Variants in RGMA observed in about 807,000 individuals in gnomAD.
RGMA encodes repulsive guidance molecule A.
Under a neutral mutation model 23.2 loss-of-function variants are expected in RGMA, and 10 were observed. The ratio of observed to expected loss-of-function variants is 0.43; its 90% CI spans 0.27 to 0.73. RGMA has a LOEUF of 0.73. RGMA is among the 30% of genes least tolerant of loss of function. The probability of loss-of-function intolerance (pLI) is 0.20; values close to 1 mark genes in which losing one functional copy is unlikely to be tolerated. For synonymous variants in RGMA, 308 were observed against 279.3 expected (o/e 1.10, Z -1.03); for missense variants, 547 against 630.5 (o/e 0.87, Z 1.42).
chr15:93,053,258 C>T (rs539359346), intron 2 of RGMA, among the ~76,000 whole-genome samples: 1 of 152,234 alleles, frequency 6.6e-6, no homozygotes, highest in East Asian at 1.9e-4. Flanking sequence ...AATGACCGTG[C>T]CCCAGAACTA....
chr15:93,048,285 G>A (rs1024942891), intron 3 of RGMA, among the ~76,000 whole-genome samples: 24 of 152,174 alleles, frequency 1.6e-4, no homozygotes, highest in African/African-American at 5.6e-4. Flanking sequence ...GGAGACCCTA[G>A]GCCAAGGCTT....
chr15:93,075,635 C>T (rs1567195040), intron 1 of RGMA, among the ~76,000 whole-genome samples: 2 of 151,858 alleles, frequency 1.3e-5, no homozygotes, highest in African/African-American at 4.8e-5. Flanking sequence ...TCAGTTTCTT[C>T]ATCTGTAAGG....
chr15:93,088,654 GC>G (rs1895682968), intron 1 of RGMA: 1 of 987,532 alleles, frequency 1.0e-6, no homozygotes. Context: ...AGGGACGTGT[GC>G]CGGGTCTGCC....
intron 3 of RGMA, among the ~76,000 whole-genome samples, chr15:93,046,935 T>C (rs1405503627): frequency 1.3e-5 from 2 of 152,234 alleles, no homozygotes; most frequent in South Asian, 2.1e-4. Context: ...CACAGAGGCA[T>C]TGGCTGCATA....
intron 1 of RGMA, among the ~76,000 whole-genome samples, chr15:93,084,302 C>G (rs544707413): frequency 2.6e-5 from 4 of 152,306 alleles, no homozygotes; most frequent in African/African-American, 9.6e-5. Flanking sequence ...CGTTTTTGAG[C>G]AAGCCTCTTT....
intron 2 of RGMA, chr15:93,066,510 G>A (rs1044822216): frequency 6.0e-6 from 3 of 499,538 alleles, no homozygotes; most frequent in Non-Finnish European, 1.1e-5. Context: ...GGGGCCCGAG[G>A]CGACTCCGCC....
At chr15:93,083,000 C>G (rs1895582724) in intron 1 of RGMA, among the ~76,000 whole-genome samples, 1 of 152,198 alleles carries the variant, frequency 6.6e-6, no homozygotes, top group Non-Finnish European at 1.5e-5. Flanking sequence ...GGTCACTGAC[C>G]CAGAAAGGGA....
At chr15:93,075,945 CGTT>C (rs930713854) in intron 1 of RGMA, among the ~76,000 whole-genome samples, 1 of 152,154 alleles carries the variant, frequency 6.6e-6, no homozygotes, top group African/African-American at 2.4e-5. Flanking sequence ...AGCAGTATGG[CGTT>C]GTGTTGACCT....
Position 93,052,527 on chromosome 15 carries a change from C to G in RGMA, c.131-20G>C. The stretch of plus-strand genomic sequence containing the variant: ...AGGTGGCTGAGGAGAAAGGAACGAA[C>G]ACACCGTCGGGGTGCAGCCTGGCAA... On this transcript the variant is annotated intron_variant, in intron 2 of 3. Coordinates refer to ENST00000329082, the MANE Select transcript of RGMA (RefSeq NM_020211.3). 2 of 1,545,986 alleles carry G rather than the reference C, an allele frequency of 1.3e-6. No individual in the cohort carries two copies. Among genetic ancestry groups the G allele is most frequent in the Non-Finnish European group, 1.7e-6 (2 of 1,145,938 alleles).
At chr15:93,056,589 C>T (rs1386502522) in intron 2 of RGMA, among the ~76,000 whole-genome samples, 1 of 152,146 alleles carries the variant, frequency 6.6e-6, no homozygotes, top group East Asian at 1.9e-4. Context: ...CCAGGGTCCC[C>T]GTCTCCCCGA....
At chr15:93,060,070 C>A (rs1013754284) in intron 2 of RGMA, among the ~76,000 whole-genome samples, 8 of 152,182 alleles carry the variant, frequency 5.3e-5, no homozygotes, top group Non-Finnish European at 1.2e-4. Context: ...GAAAGTTATA[C>A]CTTCTAGCTC....
intron 1 of RGMA, among the ~76,000 whole-genome samples, chr15:93,085,608 G>A (rs1048137150): frequency 1.3e-5 from 2 of 152,244 alleles, no homozygotes; most frequent in East Asian, 3.8e-4. Context: ...CATTTCGTAA[G>A]TTGGGTAGGT....
chr15:93,056,923 C>T (rs2055024058), intron 2 of RGMA, among the ~76,000 whole-genome samples: 1 of 152,200 alleles, frequency 6.6e-6, no homozygotes, highest in African/African-American at 2.4e-5. Context: ...ACAATGCTTG[C>T]AGCCCCGGGA....
intron 2 of RGMA, among the ~76,000 whole-genome samples, chr15:93,063,996 G>C (rs1308254629): frequency 6.6e-6 from 1 of 152,218 alleles, no homozygotes; most frequent in African/African-American, 2.4e-5. Flanking sequence ...CTCATACCAA[G>C]TGGCTACACG....
chr15:93,088,270 C>A, intron 1 of RGMA: 1 of 985,452 alleles, frequency 1.0e-6, no homozygotes. Context: ...CCCCCATGCC[C>A]GGGCTTGTAC....
At chr15:93,053,781 C>A (rs1367962156) in intron 2 of RGMA, among the ~76,000 whole-genome samples, 1 of 152,210 alleles carries the variant, frequency 6.6e-6, no homozygotes, top group Non-Finnish European at 1.5e-5. Context: ...CAGACTTGAG[C>A]ACGGGCGAGT....
rs1184975128 is a variant in RGMA, at chr15:93,047,338, G to C, written c.646-1633C>G. Reference sequence around the variant, plus strand: ...TCCACTCCTTTCCCAGGTGTCAGCTGTTTTGCCATGGGAGCTCTGGGTGCC... The same window carrying C: ...TCCACTCCTTTCCCAGGTGTCAGCTCTTTTGCCATGGGAGCTCTGGGTGCC... On this transcript the variant is annotated intron_variant, in intron 3 of 3. Transcript: ENST00000329082. 2.0e-5 allele frequency among the ~76,000 whole-genome samples: 3 copies of C among 152,332 alleles called. No homozygotes were observed. In the East Asian group the frequency reaches 5.8e-4, roughly 29 times the overall value.
chr15:93,083,667 T>G (rs1216561957), intron 1 of RGMA, among the ~76,000 whole-genome samples: 1 of 152,202 alleles, frequency 6.6e-6, no homozygotes, highest in Non-Finnish European at 1.5e-5. Flanking sequence ...GAAATCTGAA[T>G]GTCAGACTAT....
rs2054816459 is a variant in RGMA at position 93,045,803 on chromosome 15, G to A, written c.646-98C>T. The A allele has an allele frequency of 1.2e-6, 1 of 843,540 alleles. No homozygotes were observed. Among genetic ancestry groups the A allele is most frequent in the Middle Eastern group, 2.7e-4 (1 of 3,654 alleles). 52.3% of individuals were successfully genotyped at this position (843,540 alleles called of 1,614,324 possible). Reference sequence around the variant, plus strand: ...TCTAGACTGAGAGGAGGGCAGGAAGGATCCCCAGGGATGCCCCAGACACTC... The same window carrying A: ...TCTAGACTGAGAGGAGGGCAGGAAGAATCCCCAGGGATGCCCCAGACACTC... On this transcript the variant is annotated intron_variant, in intron 3 of 3. Transcript: ENST00000329082. The surrounding 1 kb of genome is among the most constrained non-coding windows in gnomAD (Gnocchi z 6.9).
Sources: gnomAD v4.1 joint callset for allele counts (sites outside exome capture counted in the v4.1 genomes callset) on GRCh38, gnomAD v4.1.1 for gene constraint, Gnocchi (gnomAD v3.1) non-coding constraint, MANE v1.5 for transcripts, NCBI Gene and HGNC (gene_info 2026-07-23, HGNC 2026-07-21) for gene names.